The following HEPH variants were observed in gnomAD, a reference collection of about 807,000 sequenced individuals.
HEPH encodes the protein hephaestin.
HEPH carries 69 observed loss-of-function variants against 80.8 expected under a neutral mutation model. That is an observed-to-expected ratio of 0.85 (90% CI 0.70 to 1.04). HEPH has a LOEUF of 1.04. HEPH is among the 50% of genes least tolerant of loss of function. The probability of loss-of-function intolerance (pLI) is 0.00; values close to 1 mark genes in which losing one functional copy is unlikely to be tolerated. For missense variants in HEPH, 1,115 were observed against 891.3 expected (o/e 1.25, Z -3.20); for synonymous variants, 431 against 322.8 (o/e 1.34, Z -3.60).
In HEPH at chrX:66,189,835, T is replaced by G. The variant is rs2087695197; in HGVS notation, c.960T>G (p.Thr320=). The change falls in exon 6 of 21, where the codon ACT becomes ACG. Residue 320 remains threonine (T), a synonymous_variant. Coordinates refer to ENST00000343002, the MANE Select transcript of HEPH (RefSeq NM_001367233.3). ...GQMLTTRGHH[T]DVANIFPATF... ...TGCTGACTACCCGTGGACACCACAC[T>G]GATGTGGCTAACATCTTTCCAGCCA... 1.7e-6 allele frequency: 2 copies of G among 1,210,169 alleles called. No homozygotes were observed. Among genetic ancestry groups the G allele is most frequent in the Non-Finnish European group, 2.2e-6 (2 of 894,655 alleles).
chrX:66,256,751 A>C (rs1457469062), intron 17 of HEPH, among the ~76,000 whole-genome samples: 1 of 112,147 alleles, frequency 8.9e-6, no homozygotes, highest in African/African-American at 3.2e-5. Flanking sequence ...TTCTCAATGG[A>C]TTCCAATACA....
chrX:66,247,514 T>G (rs923055114), intron 15 of HEPH, among the ~76,000 whole-genome samples: 1 of 111,019 alleles, frequency 9.0e-6, no homozygotes, highest in Non-Finnish European at 1.9e-5. Flanking sequence ...TTTGGTTCCT[T>G]TTTATTTCCA....
At chrX:66,171,813 G>A (rs80258164) in intron 2 of HEPH, among the ~76,000 whole-genome samples, 1 of 107,709 alleles carries the variant, frequency 9.3e-6, no homozygotes, top group Non-Finnish European at 1.9e-5. Flanking sequence ...TTTTTTTTTA[G>A]TCACCAGTAA....
chrX:66,261,467 C>T (rs2091360374), intron 19 of HEPH, among the ~76,000 whole-genome samples: 1 of 110,082 alleles, frequency 9.1e-6, no homozygotes, highest in South Asian at 3.9e-4. Context: ...GACCTGAGTC[C>T]AATCCCCAAC....
chrX:66,204,834 A>T (rs373532635), intron 13 of HEPH, among the ~76,000 whole-genome samples: 1 of 112,314 alleles, frequency 8.9e-6, no homozygotes, highest in Non-Finnish European at 1.9e-5. Flanking sequence ...AGAAAAAGGA[A>T]AAGAGATATT....
At chrX:66,190,123 G>T (rs1422699216) in intron 6 of HEPH, among the ~76,000 whole-genome samples, 185 bp downstream of exon 6, 1 of 106,546 alleles carries the variant, frequency 9.4e-6, no homozygotes, top group Non-Finnish European at 1.9e-5. Context: ...TGGGAAACTT[G>T]CTGGATAACT....
intron 15 of HEPH, among the ~76,000 whole-genome samples, chrX:66,247,748 G>C (rs1482821339): frequency 9.0e-6 from 1 of 111,393 alleles, no homozygotes; most frequent in East Asian, 2.8e-4. Context: ...TTGTTTTAAA[G>C]GGTATTGAAA....
intron 4 of HEPH, among the ~76,000 whole-genome samples, chrX:66,178,290 C>A (rs998471470): frequency 8.9e-6 from 1 of 112,449 alleles, no homozygotes; most frequent in Non-Finnish European, 1.9e-5. Context: ...TTTTTTATGG[C>A]TGCATAGTAT....
At chrX:66,254,513 A>G (rs904472748) in intron 15 of HEPH, among the ~76,000 whole-genome samples, 1 of 111,125 alleles carries the variant, frequency 9.0e-6, no homozygotes, top group African/African-American at 3.3e-5. Flanking sequence ...GATATTCAGC[A>G]TCTAATTGAA....
intron 14 of HEPH, 136 bp downstream of exon 14, chrX:66,207,470 A>T (rs1214162532): frequency 2.2e-6 from 1 of 446,037 alleles, no homozygotes; most frequent in Non-Finnish European, 3.5e-6. Flanking sequence ...GGAATATTTT[A>T]TGAAACAACC....
At chrX:66,228,857 G>C (rs2090001317) in intron 15 of HEPH, among the ~76,000 whole-genome samples, 1 of 111,184 alleles carries the variant, frequency 9.0e-6, no homozygotes, top group Admixed American at 9.5e-5. Context: ...AATGGCCATA[G>C]TCAAAAAAAT....
intron 15 of HEPH, among the ~76,000 whole-genome samples, chrX:66,250,567 A>C (rs927665861): frequency 6.3e-5 from 7 of 111,370 alleles, no homozygotes; most frequent in Non-Finnish European, 1.1e-4. Flanking sequence ...CATCTTTCCT[A>C]GAAAAAATAT....
At chrX:66,198,681 A>G (rs753568654) in intron 10 of HEPH, among the ~76,000 whole-genome samples, 197 bp from the exon 11 acceptor site, 1 of 110,763 alleles carries the variant, frequency 9.0e-6, no homozygotes, top group African/African-American at 3.3e-5. Context: ...TTGTACTTTT[A>G]TTGTGACATT....
intron 19 of HEPH, among the ~76,000 whole-genome samples, chrX:66,261,677 C>T (rs997272537): frequency 2.7e-5 from 3 of 111,036 alleles, no homozygotes; most frequent in Admixed American, 9.6e-5. Flanking sequence ...TTCGTACAGA[C>T]TTAGCAAATG....
chrX:66,215,530 C>T (rs2089348147), intron 15 of HEPH, among the ~76,000 whole-genome samples: 1 of 111,531 alleles, frequency 9.0e-6, no homozygotes, highest in Non-Finnish European at 1.9e-5. Flanking sequence ...AATGAACAAA[C>T]ATTTATTTAA....
At position 66,256,119 on chromosome X, in the gene HEPH, C is replaced by T. The variant is rs777816031; in HGVS notation, c.2685C>T (p.Gly895=). 2.5e-6 allele frequency: 3 copies of T among 1,208,001 alleles called. No individual in the cohort carries two copies. The highest frequency in any genetic ancestry group is 4.4e-5 in the Admixed American group (2 of 45,948). Residue 895 remains glycine (G), a synonymous_variant, in exon 17 of 21, where the codon GGC becomes GGT. Transcript: ENST00000343002. ...AVDPIKDMYS[G]LVGPLAICQK... Reference sequence around the variant, plus strand: ...CCCTTCCTCAGGACATGTATAGTGGCCTGGTGGGGCCCTTGGCTATCTGCC... The same window carrying T: ...CCCTTCCTCAGGACATGTATAGTGGTCTGGTGGGGCCCTTGGCTATCTGCC...
intron 15 of HEPH, among the ~76,000 whole-genome samples, chrX:66,210,190 A>T (rs1258802460): frequency 8.9e-6 from 1 of 112,168 alleles, no homozygotes; most frequent in Non-Finnish European, 1.9e-5. Flanking sequence ...AGGTCATGTC[A>T]AGGATGAAGT....
intron 4 of HEPH, among the ~76,000 whole-genome samples, chrX:66,176,378 A>G (rs1028669763): frequency 9.0e-6 from 1 of 111,610 alleles, no homozygotes; most frequent in Non-Finnish European, 1.9e-5. Flanking sequence ...TGAGTATGAA[A>G]CCCACTTGAT....
At chrX:66,251,954 A>G (rs1399793372) in intron 15 of HEPH, among the ~76,000 whole-genome samples, 1 of 112,182 alleles carries the variant, frequency 8.9e-6, no homozygotes. Context: ...TTTGTATTTT[A>G]AAAGGTTACA....
Sources: allele counts gnomAD v4.1 joint callset (sites outside exome capture counted in the v4.1 genomes callset), GRCh38; gene constraint gnomAD v4.1.1; transcripts MANE v1.5; gene names NCBI Gene and HGNC (gene_info 2026-07-23, HGNC 2026-07-21).